Variants in ARMC3 observed in about 807,000 individuals in gnomAD.
The protein encoded by ARMC3 is armadillo repeat-containing protein 3.
ARMC3 carries 74 observed loss-of-function variants against 90.3 expected under a neutral mutation model. The observed-to-expected ratio is 0.82, with a 90% CI of 0.68 to 0.99. ARMC3 has a LOEUF of 0.99. Ranked by LOEUF, ARMC3 falls within the 50% of genes least tolerant of loss-of-function variation. ARMC3 has a pLI of 0.00. For missense variants in ARMC3, 958 were observed against 1,042.8 expected (o/e 0.92, Z 1.12); for synonymous variants, 334 against 361.8 (o/e 0.92, Z 0.87).
intron 8 of ARMC3, among the ~76,000 whole-genome samples, chr10:22,976,136 T>TA (rs1295243407): frequency 2.0e-5 from 3 of 152,230 alleles, no homozygotes; most frequent in Admixed American, 1.3e-4. Flanking sequence ...AGGAAGGTGA[T>TA]ATAAGTTCAG....
At chr10:22,949,361 TA>T (rs1834653357) in intron 3 of ARMC3, among the ~76,000 whole-genome samples, 1 of 152,104 alleles carries the variant, frequency 6.6e-6, no homozygotes, top group Non-Finnish European at 1.5e-5. Context: ...GAAAAGACAT[TA>T]AAAGATTAAT....
rs150310367 is a variant in ARMC3 at position 22,959,528 on chromosome 10, C to A, written c.491C>A (p.Pro164Gln). The change falls in exon 6 of 19, where the codon CCG (proline) becomes CAG (glutamine). Residue 164 changes from proline to glutamine, a missense_variant. By Grantham distance (76) the Pro-to-Gln change is moderately conservative. Coordinates refer to ENST00000298032, the MANE Select transcript of ARMC3 (RefSeq NM_173081.5). ...ATCAGACTACTGAGTAGCCCTGACCCGGATGTAAAGAAGAACTCTATGGAA... is the reference window on the plus strand; with the variant it reads ...ATCAGACTACTGAGTAGCCCTGACCAGGATGTAAAGAAGAACTCTATGGAA... ...PLIRLLSSPD[P>Q]DVKKNSMECI... The A allele has an allele frequency of 5.5e-5, 88 of 1,611,018 alleles. No homozygotes were observed. In the African/African-American group the frequency reaches 6.3e-4, roughly 11 times the overall value.
chr10:22,996,342 C>G (rs550805357), intron 10 of ARMC3, among the ~76,000 whole-genome samples: 30 of 152,166 alleles, frequency 2.0e-4, no homozygotes, highest in Middle Eastern at 3.4e-3. Flanking sequence ...CTTATTTTAT[C>G]CCCTAGGAAA....
chr10:23,008,291 T>C lies in ARMC3; in HGVS notation c.1845T>C (p.Ser615=). ...AAAATTTTAGTTCTCCACCTTCATC[T>C]ATGGAAGATAAATCAGATGTTGGTT... ...NSKSYVSPPS[S]MEDKSDVGYG... Residue 615 remains serine, a synonymous_variant, in exon 15 of 19, where the codon TCT becomes TCC. Coordinates refer to ENST00000298032, the MANE Select transcript of ARMC3 (RefSeq NM_173081.5). 1 of 1,532,242 alleles carries C rather than the reference T, an allele frequency of 6.5e-7. No homozygotes were observed. The highest frequency in any genetic ancestry group is 8.9e-7 in the Non-Finnish European group (1 of 1,125,372). The allele number at this position is 1,532,242 out of a possible 1,614,324, so 94.9% of individuals were successfully genotyped here. A position where few individuals can be genotyped will look rare whatever the true frequency, so the allele number is the denominator to read the frequency against.
intron 18 of ARMC3, 105 bp downstream of exon 18, chr10:23,033,128 AC>A (rs1276087039): frequency 9.1e-7 from 1 of 1,100,956 alleles, no homozygotes; most frequent in Non-Finnish European, 1.3e-6. Flanking sequence ...TATTAATTCT[AC>A]CATTTAGATT....
intron 1 of ARMC3, among the ~76,000 whole-genome samples, chr10:22,929,047 G>T (rs898670045): frequency 6.6e-6 from 1 of 152,002 alleles, no homozygotes; most frequent in Non-Finnish European, 1.5e-5. Flanking sequence ...GTCAATGTGG[G>T]GAAACCTGTC....
At chr10:22,963,815 G>C (rs778849741) in intron 7 of ARMC3, among the ~76,000 whole-genome samples, 1 of 145,788 alleles carries the variant, frequency 6.9e-6, no homozygotes, top group East Asian at 2.1e-4. Flanking sequence ...ACTTGAACCC[G>C]TGAGTCGGAG....
At chr10:23,015,483 C>A (rs1255606379) in intron 16 of ARMC3, among the ~76,000 whole-genome samples, 1 of 152,194 alleles carries the variant, frequency 6.6e-6, no homozygotes, top group Non-Finnish European at 1.5e-5. Flanking sequence ...TCTGTCTACA[C>A]TGTTCTTTTG....
At chr10:22,931,951 G>A (rs748936489) in intron 1 of ARMC3, 45 bp from the exon 2 acceptor site, 3 of 1,520,938 alleles carry the variant, frequency 2.0e-6, no homozygotes, top group Middle Eastern at 1.7e-4. Context: ...ATTGAGAAAT[G>A]TATGTGCAAA....
At chr10:23,015,516 C>T (rs1261006361) in intron 16 of ARMC3, among the ~76,000 whole-genome samples, 1 of 152,158 alleles carries the variant, frequency 6.6e-6, no homozygotes, top group Non-Finnish European at 1.5e-5. Context: ...TTTTCATGAA[C>T]GTTCACTTGA....
At chr10:22,939,707 C>A (rs1019944037) in intron 2 of ARMC3, among the ~76,000 whole-genome samples, 1 of 152,090 alleles carries the variant, frequency 6.6e-6, no homozygotes, top group Non-Finnish European at 1.5e-5. Flanking sequence ...AGATGCTCAG[C>A]TACATAATTT....
chr10:22,972,725 A>C (rs941695331), intron 8 of ARMC3, among the ~76,000 whole-genome samples: 2 of 151,972 alleles, frequency 1.3e-5, no homozygotes, highest in African/African-American at 2.4e-5. Context: ...TCATTTTCTT[A>C]CCTCTTCAGG....
At chr10:22,989,481 A>G (rs575158752) in intron 10 of ARMC3, among the ~76,000 whole-genome samples, 9 of 152,296 alleles carry the variant, frequency 5.9e-5, no homozygotes, top group Non-Finnish European at 8.8e-5. Context: ...ACTTTGTATA[A>G]TAGATTTTGT....
intron 8 of ARMC3, among the ~76,000 whole-genome samples, chr10:22,973,749 CTTTCT>C (rs1835782850): frequency 1.8e-5 from 2 of 109,658 alleles, no homozygotes; most frequent in South Asian, 5.7e-4. Context: ...TTTTCTTTGT[CTTTCT>C]TTTTTTTTTT....
Position 22,943,874 on chromosome 10 carries a change from C to A in ARMC3, c.49-2270C>A, listed in dbSNP as rs189384679. Among the ~76,000 whole-genome samples the A allele has an allele frequency of 7.6e-4, 114 of 150,558 alleles. 1 individual carries two copies. The East Asian group carries it at 0.019, about 26-fold the overall frequency. ...GCTTGAACCCAGGAGGTGGAGGTTG[C>A]AGTGAGCCAAGATCGCGCCATTGCA... On this transcript the variant is annotated intron_variant, in intron 2 of 18. Transcript: ENST00000298032.
At chr10:22,948,135 C>T (rs1359781966) in intron 3 of ARMC3, among the ~76,000 whole-genome samples, 1 of 152,076 alleles carries the variant, frequency 6.6e-6, no homozygotes, top group Non-Finnish European at 1.5e-5. Flanking sequence ...GGGTATAATA[C>T]TCACCTTGCT....
At chr10:22,962,109 G>A in intron 7 of ARMC3, 31 bp downstream of exon 7, 1 of 1,430,840 alleles carries the variant, frequency 7.0e-7, no homozygotes, top group Non-Finnish European at 9.4e-7. Flanking sequence ...CACCCTCTAT[G>A]AGGAAATGTA....
intron 8 of ARMC3, among the ~76,000 whole-genome samples, chr10:22,972,315 T>C (rs1835714209): frequency 6.6e-6 from 1 of 152,194 alleles, no homozygotes; most frequent in African/African-American, 2.4e-5. Context: ...TAGCTGTAGC[T>C]CTTATATTTA....
chr10:23,016,251 G>A (rs1429498234), intron 16 of ARMC3, among the ~76,000 whole-genome samples: 1 of 152,166 alleles, frequency 6.6e-6, no homozygotes, highest in African/African-American at 2.4e-5. Context: ...GAAACCCCAA[G>A]AGGGCTGGGT....
Sources: gnomAD v4.1 joint callset for allele counts (sites outside exome capture counted in the v4.1 genomes callset) on GRCh38, gnomAD v4.1.1 for gene constraint, MANE v1.5 for transcripts, NCBI Gene and HGNC (gene_info 2026-07-23, HGNC 2026-07-21) for gene names.